The following KSR2 variants were observed in gnomAD, a reference collection of about 807,000 sequenced individuals.
The protein encoded by KSR2 is kinase suppressor of ras 2.
A neutral mutation model predicts 107.8 loss-of-function variants in KSR2; 25 were observed. The ratio of observed to expected loss-of-function variants is 0.23; its 90% CI spans 0.17 to 0.32. The LOEUF (loss-of-function observed/expected upper bound fraction) is 0.32. Ranked by LOEUF, KSR2 falls within the 10% of genes least tolerant of loss-of-function variation. KSR2 has a pLI of 1.00. For synonymous variants in KSR2, 480 were observed against 507.0 expected, an observed-to-expected ratio of 0.95 and a Z score of 0.71; for missense variants, 887 against 1,268.9, an observed-to-expected ratio of 0.70 and a Z score of 4.57.
chr12:117,455,030 C>CAGAGAGAGAGAGGGAG lies in KSR2; in HGVS notation c.*12168_*12169insCTCCCTCTCTCTCTCT, dbSNP rs1246200364. Reference sequence around the variant, plus strand: ...AGACAGAGACAGACACAGAGACAGACAGACAGAGAGAGAGAGAGAGAGAGA... The same window carrying CAGAGAGAGAGAGGGAG: ...AGACAGAGACAGACACAGAGACAGACAGAGAGAGAGAGGGAGAGACAGAGAGAGAGAGAGAGAGAGA... On this transcript the variant is annotated 3_prime_UTR_variant, in exon 20 of 20. Coordinates refer to ENST00000339824, the MANE Select transcript of KSR2 (RefSeq NM_173598.6). 1 of 120,128 alleles carries CAGAGAGAGAGAGGGAG rather than the reference C, an allele frequency of 8.3e-6. No homozygotes were observed. Among genetic ancestry groups the CAGAGAGAGAGAGGGAG allele is most frequent in the African/African-American group, 4.0e-5 (1 of 24,960 alleles). The allele number at this position is 120,128 out of a possible 1,614,324, so 7.4% of individuals were successfully genotyped here. A position where few individuals can be genotyped will look rare whatever the true frequency, so the allele number is the denominator to read the frequency against.
At chr12:117,493,420 A>G (rs1872851477) in intron 14 of KSR2, among the ~76,000 whole-genome samples, 1 of 152,054 alleles carries the variant, frequency 6.6e-6, no homozygotes, top group African/African-American at 2.4e-5. Context: ...CCCTCTTCTC[A>G]TATGACTCTC....
At chr12:117,731,418 G>C (rs1377016345) in intron 4 of KSR2, among the ~76,000 whole-genome samples, 1 of 135,262 alleles carries the variant, frequency 7.4e-6, no homozygotes, top group Non-Finnish European at 1.6e-5. Flanking sequence ...GAGGGAGGTG[G>C]GGGGCAGCCC....
intron 14 of KSR2, among the ~76,000 whole-genome samples, chr12:117,492,899 G>T (rs1872823365): frequency 1.3e-5 from 2 of 152,138 alleles, no homozygotes; most frequent in South Asian, 4.1e-4. Flanking sequence ...CCTCTAAAAA[G>T]CTGGAAAAAG....
chr12:117,460,169 G>A lies in KSR2; in HGVS notation c.*7030C>T, dbSNP rs1870822839. On this transcript the variant is annotated 3_prime_UTR_variant, in exon 20 of 20. Coordinates refer to ENST00000339824, the MANE Select transcript of KSR2 (RefSeq NM_173598.6). ...CTATGGGACATGCTTGGGAAACAAG[G>A]TCTTATTTAGATCAGGCACATTCTA... 1 of 152,162 alleles carries A rather than the reference G, an allele frequency of 6.6e-6. No homozygotes were observed. Among genetic ancestry groups the A allele is most frequent in the South Asian group, 2.1e-4 (1 of 4,822 alleles). 9.4% of individuals were successfully genotyped at this position (152,162 alleles called of 1,614,324 possible). A position where few individuals can be genotyped will look rare whatever the true frequency, so the allele number is the denominator to read the frequency against.
intron 5 of KSR2, among the ~76,000 whole-genome samples, chr12:117,612,128 G>A (rs902252296): frequency 2.6e-5 from 4 of 152,208 alleles, no homozygotes; most frequent in Non-Finnish European, 5.9e-5. Flanking sequence ...ATCTCATCCA[G>A]GCGCAGTGGC....
intron 1 of KSR2, among the ~76,000 whole-genome samples, chr12:117,861,896 T>C (rs1272422664): frequency 6.6e-6 from 1 of 152,204 alleles, no homozygotes; most frequent in Admixed American, 6.5e-5. Flanking sequence ...TTGCTGAGTT[T>C]GTAAAATCTC....
In KSR2 at chr12:117,907,289, C is replaced by A. The variant is rs1435881146; in HGVS notation, c.181-46858G>T. ...AAACTGCCTTCGTTCTGGATGGGGG[C>A]GTCCTGACATGCTGACGCCACAGAG... On this transcript the variant is annotated intron_variant, in intron 1 of 19. Transcript: ENST00000339824. The surrounding 1 kb of genome is among the most constrained non-coding windows in gnomAD (Gnocchi z 4.3). 6.6e-6 allele frequency among the ~76,000 whole-genome samples: 1 copy of A among 152,264 alleles called. No individual in the cohort carries two copies. Among genetic ancestry groups the A allele is most frequent in the South Asian group, 2.1e-4 (1 of 4,824 alleles).
intron 4 of KSR2, among the ~76,000 whole-genome samples, chr12:117,719,661 T>A (rs903554858): frequency 6.6e-6 from 1 of 152,236 alleles, no homozygotes; most frequent in African/African-American, 2.4e-5. Flanking sequence ...TGTCATCTTA[T>A]GCTAGACCCT....
At position 117,457,315 on chromosome 12, in the gene KSR2, T is replaced by A. The variant is rs1267103364; in HGVS notation, c.*9884A>T. The A allele has an allele frequency of 2.6e-5, 4 of 152,252 alleles. No homozygotes were observed. The highest frequency in any genetic ancestry group is 9.6e-5 in the African/African-American group (4 of 41,464). The allele number at this position is 152,252 out of a possible 1,614,324, so 9.4% of individuals were successfully genotyped here. On this transcript the variant is annotated 3_prime_UTR_variant, in exon 20 of 20. Transcript: ENST00000339824. ...GGTTGCAGATGGCAGGATGCTGGAT[T>A]TGAATCCTAGTCGCGTGGCCTGGAG...
chr12:117,596,840 G>A (rs1880676631), intron 5 of KSR2, among the ~76,000 whole-genome samples: 1 of 152,208 alleles, frequency 6.6e-6, no homozygotes, highest in South Asian at 2.1e-4. Flanking sequence ...AGGAGGAAGA[G>A]CAAGCACCAT....
chr12:117,780,849 G>A (rs901264388), intron 3 of KSR2, among the ~76,000 whole-genome samples: 13 of 152,142 alleles, frequency 8.5e-5, no homozygotes, highest in South Asian at 2.1e-4. Flanking sequence ...AGAGATGGGC[G>A]CTAAACAAGG....
At chr12:117,517,189 G>A (rs1111670) in intron 14 of KSR2, among the ~76,000 whole-genome samples, 64,025 of 152,046 alleles carry the variant, frequency 0.42, 13,627 homozygotes, top group South Asian at 0.55. Flanking sequence ...CTATTACATG[G>A]ACAAGAAATA....
chr12:117,488,606 G>T (rs1207551994), intron 14 of KSR2, among the ~76,000 whole-genome samples: 4 of 152,134 alleles, frequency 2.6e-5, no homozygotes, highest in African/African-American at 9.7e-5. Context: ...GAAGTCAAAA[G>T]TCTGGAAGAC....
intron 3 of KSR2, among the ~76,000 whole-genome samples, chr12:117,810,285 C>T (rs1228906985): frequency 3.3e-5 from 5 of 152,226 alleles, no homozygotes; most frequent in Admixed American, 1.3e-4. Context: ...CAGTTTAATA[C>T]GAAAATAAAT....
At chr12:117,794,244 C>A (rs1271013380) in intron 3 of KSR2, among the ~76,000 whole-genome samples, 1 of 101,236 alleles carries the variant, frequency 9.9e-6, no homozygotes, top group Non-Finnish European at 1.8e-5. Flanking sequence ...CACACTCACA[C>A]CAACATGCAC....
At chr12:117,889,752 TC>T (rs1170534660) in intron 1 of KSR2, 1 of 152,214 alleles carries the variant, frequency 6.6e-6, no homozygotes, top group African/African-American at 2.4e-5. Context: ...AGTGATTTTG[TC>T]CTCCAGGGGA....
intron 4 of KSR2, among the ~76,000 whole-genome samples, chr12:117,750,249 T>TAAAAA (rs34642697): frequency 8.2e-6 from 1 of 122,266 alleles, no homozygotes; most frequent in Non-Finnish European, 1.7e-5. Flanking sequence ...GACTCTGTCT[T>TAAAAA]AAAAAAAAAA....
chr12:117,915,509 G>A (rs564673596), intron 1 of KSR2, among the ~76,000 whole-genome samples: 59 of 152,126 alleles, frequency 3.9e-4, no homozygotes, highest in Non-Finnish European at 5.9e-4. Context: ...CAGTCCATTC[G>A]TTCCTTTAAC....
At chr12:117,573,525 T>C (rs1419388987) in intron 7 of KSR2, among the ~76,000 whole-genome samples, 3 of 31,028 alleles carry the variant, frequency 9.7e-5, no homozygotes, top group Non-Finnish European at 1.7e-4. Flanking sequence ...ACATGTTATC[T>C]TTTTTTTTTT....
Sources: gnomAD v4.1 joint callset for allele counts (sites outside exome capture counted in the v4.1 genomes callset) on GRCh38, gnomAD v4.1.1 for gene constraint, Gnocchi (gnomAD v3.1) non-coding constraint, MANE v1.5 for transcripts, NCBI Gene and HGNC (gene_info 2026-07-23, HGNC 2026-07-21) for gene names.